Variants in QTGAL observed in about 807,000 individuals in gnomAD.
The protein encoded by QTGAL is BGnT-like protein 1.
At chr17:83,048,389 T>G in the QTGAL span, 1 of 1,274,620 alleles carries the variant, frequency 7.8e-7, no homozygotes, top group African/African-American at 1.5e-5. Context: ...TGTCAGTATT[T>G]GAACAACATG....
At chr17:82,985,688 C>T in the QTGAL span, among the ~76,000 whole-genome samples, 2,940 of 152,234 alleles carry the variant, frequency 0.019, 101 homozygotes, top group African/African-American at 0.068. Flanking sequence ...TGCCCTAATA[C>T]GCGGGACTGA....
At chr17:83,048,879 G>A in the QTGAL span, 1 of 991,436 alleles carries the variant, frequency 1.0e-6, no homozygotes, top group South Asian at 1.4e-5. Context: ...CCGCACATAT[G>A]CCGTGACAAA....
At chr17:82,959,141 GCA>G in the QTGAL span, among the ~76,000 whole-genome samples, 3 of 151,856 alleles carry the variant, frequency 2.0e-5, no homozygotes, top group Admixed American at 6.6e-5. Flanking sequence ...TGTTGTGTGT[GCA>G]CAGTGTGCAT....
At chr17:83,028,047 G>C in the QTGAL span, among the ~76,000 whole-genome samples, 2 of 152,124 alleles carry the variant, frequency 1.3e-5, no homozygotes, top group African/African-American at 2.4e-5. Context: ...GGAGGCGGTG[G>C]TTGCAGTGAG....
chr17:82,960,207 C>A, the QTGAL span, among the ~76,000 whole-genome samples: 1 of 152,154 alleles, frequency 6.6e-6, no homozygotes. Flanking sequence ...AACCCCCCAG[C>A]CCCACCCCGT....
the QTGAL span, among the ~76,000 whole-genome samples, chr17:83,025,659 A>G: frequency 6.6e-6 from 1 of 151,962 alleles, no homozygotes; most frequent in African/African-American, 2.4e-5. Flanking sequence ...GAGTCCACAC[A>G]CGGACACCGC....
the QTGAL span, among the ~76,000 whole-genome samples, chr17:83,014,009 G>A: frequency 4.6e-5 from 7 of 152,122 alleles, no homozygotes; most frequent in East Asian, 5.8e-4. Flanking sequence ...CCCACTGGGC[G>A]GAGGAGCCCA....
At chr17:83,035,614 C>T in the QTGAL span, among the ~76,000 whole-genome samples, 1 of 152,066 alleles carries the variant, frequency 6.6e-6, no homozygotes, top group African/African-American at 2.4e-5. Flanking sequence ...GGATAAAACA[C>T]AGAGTCCACT....
chr17:82,942,613 CCT>C, the QTGAL span: 72 of 962,898 alleles, frequency 7.5e-5, no homozygotes, highest in African/African-American at 9.6e-4. Flanking sequence ...GACAGCTTTT[CCT>C]CTCTGCACCT....
chr17:82,983,282 AATAT>A, the QTGAL span, among the ~76,000 whole-genome samples: 2 of 152,176 alleles, frequency 1.3e-5, no homozygotes, highest in African/African-American at 4.8e-5. Flanking sequence ...TCCATCTCAA[AATAT>A]ATATATGTTT....
At chr17:82,957,364 G>A in the QTGAL span, 17 of 1,613,240 alleles carry the variant, frequency 1.1e-5, no homozygotes, top group East Asian at 2.9e-4. Flanking sequence ...CTCACCTTGC[G>A]CTGGCTGCCG....
the QTGAL span, among the ~76,000 whole-genome samples, chr17:82,961,695 C>T: frequency 6.6e-6 from 1 of 152,258 alleles, no homozygotes; most frequent in Non-Finnish European, 1.5e-5. Flanking sequence ...GGGCCTGTGC[C>T]AGCCCTGCTC....
At chr17:82,970,543 C>CCCACCCA in the QTGAL span, among the ~76,000 whole-genome samples, 4 of 133,234 alleles carry the variant, frequency 3.0e-5, no homozygotes, top group African/African-American at 1.4e-4. Flanking sequence ...CCGCGACCTC[C>CCCACCCA]GCACCCGGCG....
chr17:83,034,344 A>C, the QTGAL span, among the ~76,000 whole-genome samples: 1 of 152,244 alleles, frequency 6.6e-6, no homozygotes, highest in South Asian at 2.1e-4. Flanking sequence ...TTTTGCTCAC[A>C]TCGCTCTCTG....
the QTGAL span, among the ~76,000 whole-genome samples, chr17:82,974,281 C>T: frequency 6.6e-6 from 1 of 152,182 alleles, no homozygotes; most frequent in African/African-American, 2.4e-5. Flanking sequence ...GGGTGGCCGG[C>T]GCTGACAAGC....
the QTGAL span, among the ~76,000 whole-genome samples, chr17:83,036,546 A>G: frequency 2.0e-5 from 3 of 152,250 alleles, no homozygotes; most frequent in African/African-American, 4.8e-5. Context: ...GTCTTCAAAG[A>G]CATCACAACT....
At chr17:83,036,839 GA>G in the QTGAL span, among the ~76,000 whole-genome samples, 1 of 152,266 alleles carries the variant, frequency 6.6e-6, no homozygotes, top group Middle Eastern at 3.4e-3. Context: ...GTTGGGCTAA[GA>G]AGGCTCAACT....
chr17:83,024,324 G>T, the QTGAL span, among the ~76,000 whole-genome samples: 3 of 152,188 alleles, frequency 2.0e-5, no homozygotes, highest in Non-Finnish European at 4.4e-5. Flanking sequence ...ATTCAGCATC[G>T]ACTCCCTCCT....
the QTGAL span, among the ~76,000 whole-genome samples, chr17:83,032,758 T>G: frequency 6.6e-6 from 1 of 152,152 alleles, no homozygotes; most frequent in Non-Finnish European, 1.5e-5. Flanking sequence ...CTGAGGTGTT[T>G]TGGTCTAAGA....
Sources: gnomAD v4.1 joint callset for allele counts (sites outside exome capture counted in the v4.1 genomes callset) on GRCh38, gnomAD v4.1.1 for gene constraint, MANE v1.5 for transcripts, NCBI Gene and HGNC (gene_info 2026-07-23, HGNC 2026-07-21) for gene names.